The following PHF14 variants were observed in gnomAD, a reference collection of about 807,000 sequenced individuals.
PHF14 encodes PHD finger protein 14.
In PHF14, 55 loss-of-function variants were observed where a neutral mutation model predicts 117.9. That is an observed-to-expected ratio of 0.47 (90% CI 0.38 to 0.58). The LOEUF (loss-of-function observed/expected upper bound fraction) is 0.58. PHF14 is among the 20% of genes least tolerant of loss of function. PHF14 has a pLI of 0.00. For missense variants in PHF14, 978 were observed against 1,122.2 expected, an observed-to-expected ratio of 0.87 and a Z score of 1.84; for synonymous variants, 409 against 368.6, an observed-to-expected ratio of 1.11 and a Z score of -1.26.
Position 11,035,753 on chromosome 7 carries a change from A to G in PHF14, c.1569A>G (p.Gln523=). The G allele has an allele frequency of 6.3e-7, 1 of 1,599,130 alleles. No individual in the cohort carries two copies. Among genetic ancestry groups the G allele is most frequent in the Non-Finnish European group, 8.5e-7 (1 of 1,170,450 alleles). The change falls in exon 8 of 18, where the codon CAA becomes CAG. Residue 523 remains glutamine, a synonymous_variant. Transcript: ENST00000634607. ...AGTCCTATTGTAAAATGTCTTTGCA[A>G]GAGAGAGAGAAGCAACTATCACCAG... ...ALQSYCKMSL[Q]EREKQLSPEA...
intron 4 of PHF14, among the ~76,000 whole-genome samples, chr7:10,995,482 T>A (rs111807867): frequency 0.013 from 1,958 of 152,348 alleles, 30 homozygotes; most frequent in African/African-American, 0.045. Flanking sequence ...GGAGCCTAGC[T>A]GGCTTCACCC....
intron 3 of PHF14, 135 bp downstream of exon 3, chr7:10,983,294 C>A: frequency 1.1e-6 from 1 of 872,040 alleles, no homozygotes; most frequent in Non-Finnish European, 1.7e-6. Context: ...AGCACCCTAA[C>A]TGTAACATTT....
intron 16 of PHF14, among the ~76,000 whole-genome samples, chr7:11,096,687 C>T (rs1322854664): frequency 1.3e-5 from 2 of 152,074 alleles, no homozygotes; most frequent in Non-Finnish European, 2.9e-5. Flanking sequence ...GAAAAGTAGA[C>T]CTTTAAGAAC....
At chr7:11,028,623 G>C in intron 6 of PHF14, 58 bp from the exon 7 acceptor site, 1 of 1,494,542 alleles carries the variant, frequency 6.7e-7, no homozygotes, top group Non-Finnish European at 9.3e-7. Context: ...GTATGAGAAT[G>C]CAGTCTTTAG....
intron 7 of PHF14, among the ~76,000 whole-genome samples, chr7:11,032,169 G>A (rs116176470): frequency 6.6e-6 from 1 of 152,292 alleles, no homozygotes; most frequent in Admixed American, 6.5e-5. Context: ...GGAGGCTGAG[G>A]TGGGAGGATT....
chr7:11,119,430 G>A (rs1547944), intron 17 of PHF14, among the ~76,000 whole-genome samples: 6 of 151,598 alleles, frequency 4.0e-5, no homozygotes, highest in Non-Finnish European at 7.4e-5. Context: ...ATTCAGAAGT[G>A]GTGTGGAATA....
At chr7:11,063,752 C>T (rs1221561962) in intron 16 of PHF14, 2 of 807,920 alleles carry the variant, frequency 2.5e-6, no homozygotes, top group Non-Finnish European at 3.0e-6. Context: ...AGATTTCCAA[C>T]CCATCATATT....
chr7:11,041,532 T>C (rs1784506099), intron 12 of PHF14, among the ~76,000 whole-genome samples: 1 of 151,952 alleles, frequency 6.6e-6, no homozygotes, highest in South Asian at 2.1e-4. Flanking sequence ...AAAATTTCTT[T>C]CTCAGAAATA....
chr7:11,023,985 AG>A (rs1480001582), intron 6 of PHF14, among the ~76,000 whole-genome samples: 3 of 152,234 alleles, frequency 2.0e-5, no homozygotes, highest in African/African-American at 7.2e-5. Flanking sequence ...GTAGGCCAAA[AG>A]CTGGGCCTCT....
intron 16 of PHF14, among the ~76,000 whole-genome samples, chr7:11,069,529 T>A (rs1785536837): frequency 8.7e-6 from 1 of 115,204 alleles, no homozygotes; most frequent in Non-Finnish European, 1.7e-5. Context: ...ATGTATTGCC[T>A]CTTTTATGTA....
chr7:11,041,199 T>C (rs1384639881), intron 12 of PHF14, among the ~76,000 whole-genome samples: 1 of 152,018 alleles, frequency 6.6e-6, no homozygotes, highest in Non-Finnish European at 1.5e-5. Context: ...AAGATAAGTT[T>C]TAGTTTTGAG....
Position 11,104,891 on chromosome 7 carries a change from G to A in PHF14, c.2655-6459G>A, listed in dbSNP as rs200200118. On this transcript the variant is annotated intron_variant, in intron 16 of 17. Transcript: ENST00000634607. ...TAGGTAGTATTTTTTTTAAAACATC[G>A]TTGTGTTGTGCTTAACATTGATTGA... The A allele has an allele frequency of 5.7e-5, 56 of 976,514 alleles. No homozygotes were observed. The East Asian group carries it at 6.8e-4, about 12-fold the overall frequency. The allele number at this position is 976,514 out of a possible 1,614,324, so 60.5% of individuals were successfully genotyped here.
intron 2 of PHF14, among the ~76,000 whole-genome samples, chr7:10,978,862 A>G (rs777867252): frequency 2.0e-5 from 3 of 152,220 alleles, no homozygotes; most frequent in East Asian, 1.9e-4. Context: ...CCAAGATGAC[A>G]TAGCTGGAAC....
intron 17 of PHF14, among the ~76,000 whole-genome samples, chr7:11,129,730 A>G (rs1788037676): frequency 6.6e-6 from 1 of 151,926 alleles, no homozygotes; most frequent in African/African-American, 2.4e-5. Flanking sequence ...GGTGCTTCAG[A>G]TGTAGTAAGA....
intron 16 of PHF14, among the ~76,000 whole-genome samples, chr7:11,077,800 A>G (rs1785924084): frequency 6.6e-6 from 1 of 152,148 alleles, no homozygotes; most frequent in Admixed American, 6.6e-5. Context: ...AAGGTAATAG[A>G]CAAAGAATTG....
chr7:11,022,796 T>A, intron 5 of PHF14, 72 bp from the exon 6 acceptor site: 3 of 776,226 alleles, frequency 3.9e-6, no homozygotes, highest in Non-Finnish European at 6.1e-6. Flanking sequence ...TGGCAAGCGT[T>A]TTATATGTTT....
chr7:11,052,305 C>T (rs778501436), intron 14 of PHF14, among the ~76,000 whole-genome samples: 3 of 152,060 alleles, frequency 2.0e-5, no homozygotes, highest in Non-Finnish European at 4.4e-5. Flanking sequence ...CATGCTGATC[C>T]ATGTAGTTGT....
chr7:11,110,826 A>T (rs905138004), intron 16 of PHF14, among the ~76,000 whole-genome samples: 6 of 152,068 alleles, frequency 3.9e-5, no homozygotes, highest in Non-Finnish European at 5.9e-5. Flanking sequence ...ATCTACTTTA[A>T]CTTGAAGAAA....
At chr7:10,979,659 A>G (rs1446514155) in intron 2 of PHF14, among the ~76,000 whole-genome samples, 2 of 147,696 alleles carry the variant, frequency 1.4e-5, no homozygotes, top group Admixed American at 1.4e-4. Context: ...GATTTTTCTC[A>G]TTGTCATTAT....
Sources: allele counts gnomAD v4.1 joint callset (sites outside exome capture counted in the v4.1 genomes callset), GRCh38; gene constraint gnomAD v4.1.1; transcripts MANE v1.5; gene names NCBI Gene and HGNC (gene_info 2026-07-23, HGNC 2026-07-21).